The following SEMA6D variants were observed in gnomAD, a reference collection of about 807,000 sequenced individuals.
SEMA6D encodes the protein semaphorin-6D.
SEMA6D carries 35 observed loss-of-function variants against 106.6 expected under a neutral mutation model. The ratio of observed to expected loss-of-function variants is 0.33; its 90% confidence interval spans 0.25 to 0.44. The LOEUF is 0.44. Ranked by LOEUF, SEMA6D falls within the 20% of genes least tolerant of loss-of-function variation. The pLI, the probability that SEMA6D is intolerant of heterozygous loss-of-function variation, is 1.00. For missense variants in SEMA6D, 1,185 were observed against 1,345.9 expected (o/e 0.88, Z 1.87); for synonymous variants, 499 against 487.7 (o/e 1.02, Z -0.31).
intron 1 of SEMA6D, among the ~76,000 whole-genome samples, chr15:47,239,711 T>C (rs1281956838): frequency 6.6e-6 from 1 of 152,180 alleles, no homozygotes; most frequent in African/African-American, 2.4e-5. Context: ...TGTAGAGCTC[T>C]CTGTATATCA....
In SEMA6D at chr15:47,573,434, G is replaced by A. The variant is rs559736089; in HGVS notation, c.-86-27431G>A. Among the ~76,000 whole-genome samples the A allele has an allele frequency of 1.1e-3, 164 of 152,270 alleles. 4 individuals carry two copies. In the South Asian group the frequency reaches 0.031, roughly 29 times the overall value. On this transcript the variant is annotated intron_variant, in intron 3 of 19. Transcript: ENST00000558014. ...AATTATTTTTACATGACAAACTTCC[G>A]TTGAATTAAATACTGATCTTATATT...
chr15:47,720,261 C>CTTTTTTTTTTTT (rs869122623), intron 1 of SEMA6D, among the ~76,000 whole-genome samples: 1 of 97,164 alleles, frequency 1.0e-5, no homozygotes. Flanking sequence ...AATAACCTTT[C>CTTTTTTTTTTTT]TTTTTTTTTT....
chr15:47,420,951 T>C (rs1161483445), intron 2 of SEMA6D, among the ~76,000 whole-genome samples: 1 of 152,078 alleles, frequency 6.6e-6, no homozygotes, highest in African/African-American at 2.4e-5. Flanking sequence ...ATCAGTACCA[T>C]TGGGGTTATC....
At chr15:47,547,344 G>A (rs1419099358) in intron 3 of SEMA6D, among the ~76,000 whole-genome samples, 1 of 152,118 alleles carries the variant, frequency 6.6e-6, no homozygotes, top group African/African-American at 2.4e-5. Context: ...AAATTGTTGT[G>A]AGGCTTAATT....
At chr15:47,501,945 T>C (rs1255322773) in intron 3 of SEMA6D, among the ~76,000 whole-genome samples, 3 of 152,218 alleles carry the variant, frequency 2.0e-5, no homozygotes, top group African/African-American at 7.2e-5. Flanking sequence ...CTGTAGATCT[T>C]TCCATCTTTG....
intron 3 of SEMA6D, among the ~76,000 whole-genome samples, chr15:47,582,062 T>C (rs1446432419): frequency 6.6e-6 from 1 of 152,262 alleles, no homozygotes; most frequent in African/African-American, 2.4e-5. Flanking sequence ...TTAATCAGGC[T>C]ATGTCCAATG....
In SEMA6D at chr15:47,748,730, A is replaced by G. The variant is rs547884201; in HGVS notation, c.-54-11015A>G. On this transcript the variant is annotated intron_variant, in intron 1 of 18. Transcript: ENST00000536845. ...AGAAGCTAGAAAGAATAAAATTGTG[A>G]AGGATCTTGTAAATCTTGGAAATGA... Among the ~76,000 whole-genome samples the G allele has an allele frequency of 2.0e-5, 3 of 152,316 alleles. No individual in the cohort carries two copies. In the South Asian group the frequency reaches 6.2e-4, roughly 32 times the overall value.
chr15:47,750,700 G>T (rs1312661661), intron 1 of SEMA6D, among the ~76,000 whole-genome samples: 1 of 152,236 alleles, frequency 6.6e-6, no homozygotes, highest in South Asian at 2.1e-4. Context: ...TAATTATAAA[G>T]TGTCAGTAAC....
intron 3 of SEMA6D, among the ~76,000 whole-genome samples, chr15:47,593,280 C>G (rs2076473036): frequency 6.6e-6 from 1 of 151,914 alleles, no homozygotes; most frequent in South Asian, 2.1e-4. Context: ...TGGCTGGCGC[C>G]TGTAGTCCCA....
chr15:47,544,160 A>G (rs35450711), intron 3 of SEMA6D, among the ~76,000 whole-genome samples: 51,513 of 151,870 alleles, frequency 0.34, 9,772 homozygotes, highest in East Asian at 0.75. Context: ...ATTATATAAA[A>G]CTCTGTTTTT....
At chr15:47,294,018 G>A (rs1351713850) in intron 1 of SEMA6D, among the ~76,000 whole-genome samples, 1 of 152,142 alleles carries the variant, frequency 6.6e-6, no homozygotes, top group Non-Finnish European at 1.5e-5. Flanking sequence ...TGCAGGCTGT[G>A]GTTGAAGCAA....
intron 1 of SEMA6D, among the ~76,000 whole-genome samples, chr15:47,409,142 A>G (rs1421971060): frequency 6.6e-6 from 1 of 152,212 alleles, no homozygotes; most frequent in Non-Finnish European, 1.5e-5. Context: ...GCACTTTTGC[A>G]AATGCTGATA....
In SEMA6D at chr15:47,330,187, G is replaced by A. The variant is rs2037288521; in HGVS notation, c.-238-82206G>A. Reference sequence around the variant, plus strand: ...TCTTCTTTTTTTCTCTCTTGGTCTTGCCTAGGACTGAGCATGTATATGTTT... The same window carrying A: ...TCTTCTTTTTTTCTCTCTTGGTCTTACCTAGGACTGAGCATGTATATGTTT... On this transcript the variant is annotated intron_variant, in intron 1 of 19. Coordinates refer to the SEMA6D transcript ENST00000558014. 2.0e-5 allele frequency among the ~76,000 whole-genome samples: 3 copies of A among 151,916 alleles called. No individual in the cohort carries two copies. In the South Asian group the frequency reaches 6.2e-4, roughly 32 times the overall value.
At chr15:47,715,411 G>C (rs542031525), upstream of SEMA6D, among the ~76,000 whole-genome samples, 2 of 152,252 alleles carry the variant, frequency 1.3e-5, no homozygotes, top group African/African-American at 4.8e-5. Context: ...TAAAAGGAGC[G>C]TTGTTTTCCT....
intron 1 of SEMA6D, among the ~76,000 whole-genome samples, chr15:47,407,406 C>CAAAAAAA (rs1231097214): frequency 9.5e-6 from 1 of 105,812 alleles, no homozygotes; most frequent in African/African-American, 3.4e-5. Flanking sequence ...ACAACAACAA[C>CAAAAAAA]AACAAAAAAA....
At chr15:47,605,650 G>T (rs905377639) in intron 4 of SEMA6D, among the ~76,000 whole-genome samples, 1 of 152,100 alleles carries the variant, frequency 6.6e-6, no homozygotes, top group African/African-American at 2.4e-5. Flanking sequence ...GGCAGCCCAG[G>T]ATCAATAATT....
At chr15:47,339,878 AAGAG>A (rs1006817660) in intron 1 of SEMA6D, among the ~76,000 whole-genome samples, 156 of 151,986 alleles carry the variant, frequency 1.0e-3, no homozygotes, top group African/African-American at 3.5e-3. Flanking sequence ...GAAAGAAGGA[AAGAG>A]AGAGAGAAAG....
chr15:47,555,480 G>C (rs1270755285), intron 3 of SEMA6D, among the ~76,000 whole-genome samples: 1 of 152,126 alleles, frequency 6.6e-6, no homozygotes, highest in African/African-American at 2.4e-5. Flanking sequence ...GTTTTAACCT[G>C]AAATAGTAAG....
At chr15:47,472,022 G>A (rs1596084083) in intron 3 of SEMA6D, among the ~76,000 whole-genome samples, 1 of 151,562 alleles carries the variant, frequency 6.6e-6, no homozygotes, top group African/African-American at 2.4e-5. Context: ...TGGAGGGAGA[G>A]AAAAGAGAAT....
Sources: gnomAD v4.1 joint callset for allele counts (sites outside exome capture counted in the v4.1 genomes callset) on GRCh38, gnomAD v4.1.1 for gene constraint, MANE v1.5 for transcripts, NCBI Gene and HGNC (gene_info 2026-07-23, HGNC 2026-07-21) for gene names.